Variants in GRM8 observed in about 807,000 individuals in gnomAD.
The protein encoded by GRM8 is glutamate metabotropic receptor 8, also known as metabotropic glutamate receptor 8.
GRM8 carries 47 observed loss-of-function variants against 87.2 expected under a neutral mutation model. The ratio of observed to expected loss-of-function variants is 0.54; its 90% CI spans 0.43 to 0.69. The LOEUF (loss-of-function observed/expected upper bound fraction) is 0.69, where lower values mean the gene tolerates loss of function less well. Among genes scored for constraint, GRM8 ranks in the 30% least tolerant of loss-of-function variants. GRM8 has a pLI of 0.00. For synonymous variants in GRM8, 396 were observed against 404.5 expected, an observed-to-expected ratio of 0.98 and a Z score of 0.25; for missense variants, 1,019 against 1,139.2, an observed-to-expected ratio of 0.89 and a Z score of 1.52.
chr7:126,963,609 C>A (rs1004538742), intron 3 of GRM8, among the ~76,000 whole-genome samples: 3 of 152,058 alleles, frequency 2.0e-5, no homozygotes, highest in Admixed American at 6.6e-5. Context: ...ATACAACTTA[C>A]AAGGGATATG....
rs1056798483 is a variant in GRM8, at chr7:126,844,974, T to A, written c.1156+57568A>T. 3.9e-5 allele frequency among the ~76,000 whole-genome samples: 6 copies of A among 152,160 alleles called. No individual in the cohort carries two copies. In the East Asian group the frequency reaches 1.2e-3, roughly 29 times the overall value. On this transcript the variant is annotated intron_variant, in intron 6 of 10. Transcript: ENST00000339582. Reference sequence around the variant, plus strand: ...GAATTTAGTCCTTAGCCCTTGCCTATCACAAATAGTAAGTGGGATCCAGGA... The same window carrying A: ...GAATTTAGTCCTTAGCCCTTGCCTAACACAAATAGTAAGTGGGATCCAGGA...
Position 126,956,957 on chromosome 7 carries a change from A to G in GRM8, c.728-52274T>C, listed in dbSNP as rs919297309. The stretch of plus-strand genomic sequence containing the variant: ...GTAGAAAAAGAAAAATAATCTACGC[A>G]ATGAAAGACCTTCTAATGAGTACAT... On this transcript the variant is annotated intron_variant, in intron 3 of 10. Transcript: ENST00000339582. Among the ~76,000 whole-genome samples the G allele has an allele frequency of 2.6e-5, 4 of 152,222 alleles. No homozygotes were observed. In the East Asian group the frequency reaches 5.8e-4, roughly 22 times the overall value.
chr7:126,597,897 C>T (rs1797362731), intron 8 of GRM8, among the ~76,000 whole-genome samples: 1 of 152,038 alleles, frequency 6.6e-6, no homozygotes, highest in African/African-American at 2.4e-5. Flanking sequence ...CTCCTTCAAA[C>T]ATTTATCATT....
chr7:126,673,578 G>A (rs1265312529), intron 7 of GRM8, among the ~76,000 whole-genome samples: 2 of 152,154 alleles, frequency 1.3e-5, no homozygotes, highest in African/African-American at 2.4e-5. Context: ...TTTATAGACA[G>A]GTGTGTGGGG....
chr7:126,771,655 T>A (rs1473865737), intron 6 of GRM8, among the ~76,000 whole-genome samples: 1 of 152,112 alleles, frequency 6.6e-6, no homozygotes, highest in African/African-American at 2.4e-5. Flanking sequence ...TTTGGAAAAT[T>A]AGTTTTCTAA....
In GRM8 at chr7:127,106,622, A is replaced by T; in HGVS notation, c.601T>A (p.Tyr201Asn). 1 of 1,613,860 alleles carries T rather than the reference A, an allele frequency of 6.2e-7. No homozygotes were observed. The highest frequency in any genetic ancestry group is 1.3e-5 in the African/African-American group (1 of 75,048). ...FFSRVVPPDSYQAQAMVDIVT... is the reference protein window; with the variant it reads ...FFSRVVPPDSNQAQAMVDIVT... The stretch of plus-strand genomic sequence containing the variant: ...ATGTCCACCATGGCTTGGGCTTGGT[A>T]GGAGTCAGGCGGAACCACTCGAGAG... Residue 201 changes from tyrosine to asparagine, a missense_variant, in exon 3 of 11, where the codon TAC becomes AAC. Coordinates refer to ENST00000339582, the MANE Select transcript of GRM8 (RefSeq NM_000845.3).
intron 3 of GRM8, among the ~76,000 whole-genome samples, chr7:126,927,943 A>G (rs1805316897): frequency 6.6e-6 from 1 of 152,212 alleles, no homozygotes; most frequent in South Asian, 2.1e-4. Context: ...CACTGTTCAC[A>G]TTAGCAAAGA....
At chr7:126,528,707 A>T (rs947533948) in intron 9 of GRM8, among the ~76,000 whole-genome samples, 2 of 151,744 alleles carry the variant, frequency 1.3e-5, no homozygotes, top group Non-Finnish European at 2.9e-5. Flanking sequence ...TATGAACTCA[A>T]GTCTTCTCTA....
At chr7:127,088,018 C>A (rs1487575150) in intron 3 of GRM8, among the ~76,000 whole-genome samples, 1 of 152,104 alleles carries the variant, frequency 6.6e-6, no homozygotes, top group Admixed American at 6.6e-5. Flanking sequence ...AATTTAGAAA[C>A]CATAAAAAGA....
At chr7:126,790,733 G>A (rs1821192416) in intron 6 of GRM8, among the ~76,000 whole-genome samples, 1 of 152,054 alleles carries the variant, frequency 6.6e-6, no homozygotes, top group Non-Finnish European at 1.5e-5. Context: ...ATGATAGCAG[G>A]AACATATGAT....
chr7:127,084,429 G>A (rs1252236717), intron 3 of GRM8: 1 of 152,138 alleles, frequency 6.6e-6, no homozygotes. Context: ...AAATGTGGGA[G>A]TAGACGAAGG....
At chr7:126,894,958 C>T (rs945919973) in intron 6 of GRM8, among the ~76,000 whole-genome samples, 2 of 152,012 alleles carry the variant, frequency 1.3e-5, no homozygotes, top group African/African-American at 2.4e-5. Context: ...ATTGACAGTA[C>T]AGTTTTCTAA....
At chr7:127,020,448 A>G (rs1428851528) in intron 3 of GRM8, among the ~76,000 whole-genome samples, 4 of 152,052 alleles carry the variant, frequency 2.6e-5, no homozygotes, top group African/African-American at 9.7e-5. Flanking sequence ...CCCCTAGGAG[A>G]GCAGCCAGAA....
chr7:126,952,039 A>AAATCAATCACTTGTCC (rs1808220042), intron 3 of GRM8, among the ~76,000 whole-genome samples: 2 of 151,692 alleles, frequency 1.3e-5, no homozygotes, highest in African/African-American at 4.8e-5. Context: ...AGAAAGAAAG[A>AAATCAATCACTTGTCC]AAGAAAAAAG....
chr7:127,045,123 C>A (rs1818803454), intron 3 of GRM8, among the ~76,000 whole-genome samples: 1 of 151,862 alleles, frequency 6.6e-6, no homozygotes, highest in Non-Finnish European at 1.5e-5. Context: ...TTTTTATTTC[C>A]TGAAATCTTT....
intron 8 of GRM8, among the ~76,000 whole-genome samples, chr7:126,552,857 C>T (rs1554397187): frequency 2.6e-5 from 4 of 152,046 alleles, no homozygotes; most frequent in African/African-American, 7.2e-5. Flanking sequence ...TTTAAATAAA[C>T]ATTAGGTTTT....
chr7:126,574,510 C>A (rs1307614169), intron 8 of GRM8, among the ~76,000 whole-genome samples: 1 of 152,182 alleles, frequency 6.6e-6, no homozygotes, highest in Non-Finnish European at 1.5e-5. Flanking sequence ...TGTGTCATCT[C>A]TAAGGAGTTA....
chr7:126,664,236 C>T (rs565523529), intron 7 of GRM8, among the ~76,000 whole-genome samples: 2 of 152,230 alleles, frequency 1.3e-5, no homozygotes, highest in African/African-American at 4.8e-5. Flanking sequence ...AGATTCAATG[C>T]TATTCCTATC....
At chr7:126,771,267 C>T (rs1376074678) in intron 6 of GRM8, among the ~76,000 whole-genome samples, 1 of 151,758 alleles carries the variant, frequency 6.6e-6, no homozygotes, top group Non-Finnish European at 1.5e-5. Flanking sequence ...TTTTTCTAAA[C>T]AAAAATAGTG....
Sources: allele counts gnomAD v4.1 joint callset (sites outside exome capture counted in the v4.1 genomes callset), GRCh38; gene constraint gnomAD v4.1.1; transcripts MANE v1.5; gene names NCBI Gene and HGNC (gene_info 2026-07-23, HGNC 2026-07-21).